ZFR: variants seen among roughly 807,000 people sequenced by gnomAD.
ZFR encodes zinc finger RNA binding protein, also known as zinc finger RNA-binding protein.
In ZFR, 19 loss-of-function variants were observed where a neutral mutation model predicts 130.7. The ratio of observed to expected loss-of-function variants is 0.15; its 90% CI spans 0.10 to 0.21. ZFR has a LOEUF of 0.21. Among genes scored for constraint, ZFR ranks in the 10% least tolerant of loss-of-function variants. The pLI is 1.00. For synonymous variants in ZFR, 466 were observed against 456.9 expected (o/e 1.02, Z -0.25); for missense variants, 872 against 1,321.5 (o/e 0.66, Z 5.27).
At chr5:32,371,136 G>A (rs549270989) in intron 17 of ZFR, among the ~76,000 whole-genome samples, 3 of 152,278 alleles carry the variant, frequency 2.0e-5, no homozygotes, top group African/African-American at 7.2e-5. Flanking sequence ...TCGGAAGACC[G>A]TGGCAAGAGG....
intron 2 of ZFR, among the ~76,000 whole-genome samples, chr5:32,433,316 A>G (rs1754263152): frequency 6.6e-6 from 1 of 152,226 alleles, no homozygotes; most frequent in South Asian, 2.1e-4. Flanking sequence ...AATAAGAATT[A>G]CAGTAATTAA....
Position 32,385,514 on chromosome 5 carries a change from C to T in ZFR, c.2635G>A (p.Glu879Lys), listed in dbSNP as rs1440676053. ...SPIIREENMR[E>K]GDVTSGMVKD... ...AGTTTAATGGCTTTCCAACCTCCTT[C>T]CCTCATGTTCTCTTCTCGAATAATT... Residue 879 changes from glutamate to lysine, a missense_variant, in exon 15 of 20, where the codon GAA becomes AAA. Glu to Lys is a moderately conservative substitution (Grantham distance 56). Transcript: ENST00000265069. 1 of 1,612,772 alleles carries T rather than the reference C, an allele frequency of 6.2e-7. No individual in the cohort carries two copies. The highest frequency in any genetic ancestry group is 1.7e-5 in the Admixed American group (1 of 59,948).
chr5:32,397,359 C>G lies in ZFR; in HGVS notation c.1714-21G>C, dbSNP rs72735340. On this transcript the variant is annotated intron_variant, in intron 9 of 19. Transcript: ENST00000265069. The stretch of plus-strand genomic sequence containing the variant: ...CGTACCTTGGTGTGGAAAAAAAATT[C>G]AAGAATCATCATAGTTGAAGATTAT... The G allele has an allele frequency of 3.7e-6, 6 of 1,606,392 alleles. No homozygotes were observed. In the Admixed American group the frequency reaches 1.0e-4, roughly 28 times the overall value.
At chr5:32,368,508 T>C (rs1422605759) in intron 17 of ZFR, among the ~76,000 whole-genome samples, 2 of 152,204 alleles carry the variant, frequency 1.3e-5, no homozygotes, top group Non-Finnish European at 2.9e-5. Flanking sequence ...AGTGCTAAGA[T>C]TACAGGTGTG....
chr5:32,428,051 A>G (rs188064857), intron 2 of ZFR, among the ~76,000 whole-genome samples: 2 of 152,366 alleles, frequency 1.3e-5, no homozygotes, highest in East Asian at 3.9e-4. Context: ...CATGACATGA[A>G]ATTTGGCAAT....
chr5:32,387,834 G>A, intron 13 of ZFR, 135 bp from the exon 14 acceptor site: 2 of 790,724 alleles, frequency 2.5e-6, no homozygotes, highest in Non-Finnish European at 3.7e-6. Context: ...AAGACATCCA[G>A]CATTTTTAGA....
At chr5:32,382,399 TCTTTCTATGTCC>T (rs1381607597) in intron 15 of ZFR, among the ~76,000 whole-genome samples, 1 of 151,872 alleles carries the variant, frequency 6.6e-6, no homozygotes, top group Non-Finnish European at 1.5e-5. Flanking sequence ...CTAAAGAACC[TCTTTCTATGTCC>T]CTTATTTACT....
At chr5:32,389,853 T>C (rs1240804955) in intron 12 of ZFR, among the ~76,000 whole-genome samples, 1 of 152,274 alleles carries the variant, frequency 6.6e-6, no homozygotes, top group East Asian at 1.9e-4. Context: ...CTAAATCAGA[T>C]TAAAAACTTG....
intron 4 of ZFR, among the ~76,000 whole-genome samples, chr5:32,416,610 G>C (rs1430359913): frequency 4.6e-5 from 1 of 21,888 alleles, no homozygotes; most frequent in South Asian, 1.3e-3. Flanking sequence ...GTGAAACTCC[G>C]TCTCAAAAAA....
chr5:32,419,733 T>G, intron 3 of ZFR, 88 bp downstream of exon 3: 1 of 1,485,038 alleles, frequency 6.7e-7, no homozygotes, highest in Non-Finnish European at 8.9e-7. Context: ...AGCCCCAAGT[T>G]TGAGAAGCAA....
In ZFR at chr5:32,441,251, ACAGGCGTGAGCCACCACG is replaced by A. The variant is rs1317668663; in HGVS notation, c.137+2960_137+2977del. Among the ~76,000 whole-genome samples, 6 of 152,222 alleles carry A rather than the reference ACAGGCGTGAGCCACCACG, an allele frequency of 3.9e-5. No homozygotes were observed. In the East Asian group the frequency reaches 9.6e-4, roughly 24 times the overall value. ...CTTAGCCTCCCAATGTGCTGGGATTACAGGCGTGAGCCACCACGCCTGGCCTCTGGAATTACATTTAGG... is the reference window on the plus strand; with the variant it reads ...CTTAGCCTCCCAATGTGCTGGGATTACCTGGCCTCTGGAATTACATTTAGG... On this transcript the variant is annotated intron_variant, in intron 2 of 19. Transcript: ENST00000265069.
chr5:32,393,718 G>T (rs931133474), intron 11 of ZFR, among the ~76,000 whole-genome samples: 1 of 152,236 alleles, frequency 6.6e-6, no homozygotes, highest in East Asian at 1.9e-4. Flanking sequence ...GATAATTGAG[G>T]ATAAAGGATC....
At chr5:32,359,682 G>A (rs1752388341) in intron 19 of ZFR, among the ~76,000 whole-genome samples, 1 of 152,184 alleles carries the variant, frequency 6.6e-6, no homozygotes, top group African/African-American at 2.4e-5. Flanking sequence ...CGGGTGCGGT[G>A]GCTCACGCCT....
At chr5:32,422,779 G>A (rs1240190490) in intron 2 of ZFR, among the ~76,000 whole-genome samples, 1 of 72,140 alleles carries the variant, frequency 1.4e-5, no homozygotes, top group Non-Finnish European at 2.5e-5. Context: ...CAGCCTGGAT[G>A]ACAGAGTAAA....
At chr5:32,380,052 A>G (rs373593873) in intron 16 of ZFR, 23 bp downstream of exon 16, 8 of 1,608,662 alleles carry the variant, frequency 5.0e-6, no homozygotes, top group Non-Finnish European at 6.8e-6. Context: ...GCTACAAGAA[A>G]AAAGTAAAAT....
At chr5:32,396,993 A>G (rs1753328869) in intron 10 of ZFR, among the ~76,000 whole-genome samples, 1 of 152,198 alleles carries the variant, frequency 6.6e-6, no homozygotes, top group Non-Finnish European at 1.5e-5. Context: ...AGTTTTTGCC[A>G]CAATTACTAA....
intron 15 of ZFR, 62 bp downstream of exon 15, chr5:32,385,446 T>C (rs1245135086): frequency 1.3e-6 from 2 of 1,583,566 alleles, no homozygotes; most frequent in Admixed American, 1.8e-5. Flanking sequence ...AATGCCATCT[T>C]AAAGAGTAGA....
intron 9 of ZFR, among the ~76,000 whole-genome samples, chr5:32,399,489 G>GT (rs1374034069): frequency 2.0e-5 from 3 of 152,120 alleles, no homozygotes; most frequent in Non-Finnish European, 2.9e-5. Flanking sequence ...CTAACAGCAG[G>GT]TATTTATCCA....
At chr5:32,419,773 A>G in intron 3 of ZFR, 48 bp downstream of exon 3, 1 of 1,534,456 alleles carries the variant, frequency 6.5e-7, no homozygotes, top group Non-Finnish European at 8.7e-7. Context: ...TACACTGAAG[A>G]CAAAGAAACC....
Sources: allele counts gnomAD v4.1 joint callset (sites outside exome capture counted in the v4.1 genomes callset), GRCh38; gene constraint gnomAD v4.1.1; transcripts MANE v1.5; gene names NCBI Gene and HGNC (gene_info 2026-07-23, HGNC 2026-07-21).